OR2J3: variants seen among roughly 807,000 people sequenced by gnomAD.
The protein encoded by OR2J3 is olfactory receptor 2J3.
In OR2J3, 13 loss-of-function variants were observed where a neutral mutation model predicts 18.5. The observed-to-expected ratio is 0.70, with a 90% CI of 0.46 to 1.12. OR2J3 has a LOEUF of 1.12. Among genes scored for constraint, OR2J3 ranks in the 50% most tolerant of loss-of-function variants. OR2J3 has a pLI of 0.00. For missense variants in OR2J3, 321 were observed against 371.6 expected, an observed-to-expected ratio of 0.86 and a Z score of 1.12; for synonymous variants, 142 against 140.6, an observed-to-expected ratio of 1.01 and a Z score of -0.07.
In OR2J3 at chr6:29,112,202, T is replaced by C. The variant is rs763100537; in HGVS notation, c.312T>C (p.Leu104=). 1.2e-6 allele frequency: 2 copies of C among 1,614,126 alleles called. No homozygotes were observed. Among genetic ancestry groups the C allele is most frequent in the East Asian group, 4.5e-5 (2 of 44,872 alleles). ...TISYAGCMIQ[L]YFVLALGTTE... ...CTTATGCTGGTTGCATGATTCAACT[T>C]TACTTTGTTCTCGCACTGGGAACCA... The change falls in exon 4 of 4, where the codon CTT becomes CTC. Residue 104 remains leucine, a synonymous_variant. Transcript: ENST00000641151.
rs368089727 is a variant in OR2J3 at position 29,112,595 on chromosome 6, T to C, written c.705T>C (p.Thr235=). ...CTATACTGAGGATGCAGTCAACCACTGGGCTTCAGAAAGTGTTTGGAACAT... is the reference window on the plus strand; with the variant it reads ...CTATACTGAGGATGCAGTCAACCACCGGGCTTCAGAAAGTGTTTGGAACAT... ...VRAILRMQST[T]GLQKVFGTCG... is the part of the protein sequence containing the mutation. Residue 235 remains threonine, a synonymous_variant, in exon 4 of 4, where the codon ACT becomes ACC. Transcript: ENST00000641151. 1.1e-5 allele frequency: 18 copies of C among 1,613,998 alleles called. No homozygotes were observed. Among genetic ancestry groups the C allele is most frequent in the Non-Finnish European group, 1.5e-5 (18 of 1,179,992 alleles).
At position 29,108,155 on chromosome 6, in the gene OR2J3, A is replaced by G. The variant is rs1199357099; in HGVS notation, c.-321A>G. ...GGAAGTGTAGGCATTTATGTTGGTG[A>G]TTTCAAGGTGATCAAAATCAGAGAT... On this transcript the variant is annotated 5_prime_UTR_variant, in exon 1 of 4. Coordinates refer to ENST00000641151, the MANE Select transcript of OR2J3 (RefSeq NM_001005216.4). 1 of 152,138 alleles carries G rather than the reference A, an allele frequency of 6.6e-6. No homozygotes were observed. Among genetic ancestry groups the G allele is most frequent in the Non-Finnish European group, 1.5e-5 (1 of 68,026 alleles). 9.4% of individuals were successfully genotyped at this position (152,138 alleles called of 1,614,324 possible).
In OR2J3 at chr6:29,113,983, A is replaced by G. The variant is rs1398125653; in HGVS notation, c.*1157A>G. On this transcript the variant is annotated 3_prime_UTR_variant, in exon 4 of 4. Coordinates refer to ENST00000641151, the MANE Select transcript of OR2J3 (RefSeq NM_001005216.4). Reference sequence around the variant, plus strand: ...TTCAGTATAAAGTAACGTACTTGCAATGCCTGAGTTTTCTCTATAACTCAA... The same window carrying G: ...TTCAGTATAAAGTAACGTACTTGCAGTGCCTGAGTTTTCTCTATAACTCAA... The G allele has an allele frequency of 6.6e-6, 1 of 152,202 alleles. No individual in the cohort carries two copies. The highest frequency in any genetic ancestry group is 2.4e-5 in the African/African-American group (1 of 41,468). 9.4% of individuals were successfully genotyped at this position (152,202 alleles called of 1,614,324 possible). A position where few individuals can be genotyped will look rare whatever the true frequency, so the allele number is the denominator to read the frequency against.
rs576697828 is a variant in OR2J3, at chr6:29,111,969, G to A, written c.79G>A (p.Glu27Lys). 594 of 1,614,026 alleles carry A rather than the reference G, an allele frequency of 3.7e-4. 4 individuals are homozygous for A. In the South Asian group the frequency reaches 6.0e-3, roughly 16 times the overall value. Residue 27 changes from glutamate to lysine, a missense_variant, in exon 4 of 4, where the codon GAA becomes AAA. Physicochemically the swap from Glu to Lys is moderately conservative, Grantham distance 56. Coordinates refer to ENST00000641151, the MANE Select transcript of OR2J3 (RefSeq NM_001005216.4). ...LVGFSNWPHL[E>K]VVIFVVVLIF... ...TGGATTTTCTAATTGGCCTCATCTGGAAGTAGTTATCTTTGTGGTTGTCTT... is the reference window on the plus strand; with the variant it reads ...TGGATTTTCTAATTGGCCTCATCTGAAAGTAGTTATCTTTGTGGTTGTCTT...
chr6:29,109,012 G>A (rs1042896715), intron 3 of OR2J3, 137 bp downstream of exon 3: 3 of 152,072 alleles, frequency 2.0e-5, no homozygotes, highest in Admixed American at 1.3e-4. Context: ...ATAAATTATC[G>A]AGGCAACTGT....
At position 29,108,867 on chromosome 6, in the gene OR2J3, T is replaced by A. The variant is rs536445324; in HGVS notation, c.-19T>A. On this transcript the variant is annotated 5_prime_UTR_variant, in exon 3 of 4. It adds an upstream start codon to the 5' untranslated region. Coordinates refer to ENST00000641151, the MANE Select transcript of OR2J3 (RefSeq NM_001005216.4). ...AGAAAAATTCCTACCTTTTCCTTGC[T>A]TGCATCTGGTAAGTTTTTGTTTGTT... is the stretch of plus-strand genomic sequence containing the variant. The A allele has an allele frequency of 6.6e-6, 1 of 152,362 alleles. No individual in the cohort carries two copies. The highest frequency in any genetic ancestry group is 2.4e-5 in the African/African-American group (1 of 41,574). The allele number at this position is 152,362 out of a possible 1,614,324, so 9.4% of individuals were successfully genotyped here.
chr6:29,111,792 T>C (rs1398639790), intron 3 of OR2J3, 89 bp from the exon 4 acceptor site: 6 of 1,239,860 alleles, frequency 4.8e-6, no homozygotes, highest in Non-Finnish European at 6.7e-6. Flanking sequence ...CCCTTCAAAC[T>C]GGCTTTTATT....
At position 29,114,139 on chromosome 6, in the gene OR2J3, A is replaced by G. The variant is rs1433459579; in HGVS notation, c.*1313A>G. 1 of 152,188 alleles carries G rather than the reference A, an allele frequency of 6.6e-6. No homozygotes were observed. The highest frequency in any genetic ancestry group is 2.4e-5 in the African/African-American group (1 of 41,450). The allele number at this position is 152,188 out of a possible 1,614,324, so 9.4% of individuals were successfully genotyped here. ...AATTTCTAGTGTGACTTGCAATTGC[A>G]TTGATTCTGCTGACTTTATCTTCCT... On this transcript the variant is annotated 3_prime_UTR_variant, in exon 4 of 4. Transcript: ENST00000641151.
intron 3 of OR2J3, chr6:29,111,614 C>G: frequency 2.7e-6 from 1 of 373,564 alleles, no homozygotes. Context: ...AACACCGTCA[C>G]CCCTTCTATA....
intron 3 of OR2J3, chr6:29,109,405 A>G (rs778971174): frequency 2.0e-5 from 3 of 152,186 alleles, no homozygotes; most frequent in Admixed American, 6.5e-5. Context: ...GAATGTTCCA[A>G]ACTTTTCTGC....
Position 29,112,474 on chromosome 6 carries a change from C to G in OR2J3, c.584C>G (p.Thr195Ser). Residue 195 changes from threonine (T) to serine (S), a missense_variant, in exon 4 of 4, where the codon ACC (threonine) becomes AGC (serine). Physicochemically the swap from Thr to Ser is moderately conservative, Grantham distance 58 (BLOSUM62 1). Transcript: ENST00000641151. ...CTTCTGCGATTATCGTGTGTTGATA[C>G]CCATGTCAATGAGCTGACCCTCATG... ...PALLRLSCVD[T>S]HVNELTLMIT... is the part of the protein sequence containing the mutation. 6.2e-7 allele frequency: 1 copy of G among 1,614,076 alleles called. No homozygotes were observed. Among genetic ancestry groups the G allele is most frequent in the Non-Finnish European group, 8.5e-7 (1 of 1,180,016 alleles).
At chr6:29,111,252 C>G (rs946353236) in intron 3 of OR2J3, among the ~76,000 whole-genome samples, 1 of 152,106 alleles carries the variant, frequency 6.6e-6, no homozygotes, top group African/African-American at 2.4e-5. Flanking sequence ...TATAGGCAAG[C>G]TATTTCTCTC....
chr6:29,112,215 G>C lies in OR2J3; in HGVS notation c.325G>C (p.Ala109Pro). ...GCMIQLYFVLALGTTECVLLV... is the reference protein window; with the variant it reads ...GCMIQLYFVLPLGTTECVLLV... ...CATGATTCAACTTTACTTTGTTCTC[G>C]CACTGGGAACCACAGAGTGTGTCCT... is the stretch of plus-strand genomic sequence containing the variant. Residue 109 changes from alanine (A) to proline (P), a missense_variant, in exon 4 of 4, where the codon GCA becomes CCA. Physicochemically the swap from Ala to Pro is conservative, Grantham distance 27. Coordinates refer to ENST00000641151, the MANE Select transcript of OR2J3 (RefSeq NM_001005216.4). 6.3e-7 allele frequency: 1 copy of C among 1,585,864 alleles called. No individual in the cohort carries two copies.
At position 29,112,146 on chromosome 6, in the gene OR2J3, G is replaced by A; in HGVS notation, c.256G>A (p.Val86Ile). Residue 86 changes from valine (V) to isoleucine (I), a missense_variant, in exon 4 of 4, where the codon GTC becomes ATC. Coordinates refer to ENST00000641151, the MANE Select transcript of OR2J3 (RefSeq NM_001005216.4). ...YTTSSIPQLL[V>I]NLWGPEKTIS... ...CACCAGCTCTATCCCTCAGTTGCTG[G>A]TCAATCTCTGGGGCCCGGAAAAGAC... 1 of 1,614,006 alleles carries A rather than the reference G, an allele frequency of 6.2e-7. No homozygotes were observed. The highest frequency in any genetic ancestry group is 1.3e-5 in the African/African-American group (1 of 74,972).
At chr6:29,110,886 TCTATCTATCTAC>T (rs1412857204) in intron 3 of OR2J3, among the ~76,000 whole-genome samples, 1 of 149,610 alleles carries the variant, frequency 6.7e-6, no homozygotes. Flanking sequence ...TATCTATCTA[TCTATCTATCTAC>T]CTATCTATCT....
rs189615508 is a variant in OR2J3 at position 29,113,062 on chromosome 6, G to T, written c.*236G>T. On this transcript the variant is annotated 3_prime_UTR_variant, in exon 4 of 4. Coordinates refer to ENST00000641151, the MANE Select transcript of OR2J3 (RefSeq NM_001005216.4). ...AAAATCAAGATAAAACATCTATAGT[G>T]ATGTTTTTCCATGGTACAAACCTAA... The T allele has an allele frequency of 4.1e-3, 2,117 of 513,414 alleles. 10 individuals carry two copies. Among genetic ancestry groups the T allele is most frequent in the Non-Finnish European group, 4.7e-3 (1,371 of 294,706 alleles). The allele number at this position is 513,414 out of a possible 1,614,324, so 31.8% of individuals were successfully genotyped here.
intron 3 of OR2J3, 177 bp from the exon 4 acceptor site, chr6:29,111,704 T>A: frequency 1.7e-6 from 1 of 587,082 alleles, no homozygotes; most frequent in East Asian, 2.8e-5. Context: ...TTTATATCAG[T>A]ATGAGCTTTA....
rs1581913815 is a variant in OR2J3, at chr6:29,111,908, A to C, written c.18A>C (p.Lys6Asn). MNDDG[K>N]VNASSEGYFI... ...AATAGGAAATGAATGATGATGGAAA[A>C]GTCAATGCTAGCTCTGAGGGGTACT... Residue 6 changes from lysine (K) to asparagine (N), a missense_variant, in exon 4 of 4, where the codon AAA (lysine) becomes AAC (asparagine). Lys to Asn is a moderately conservative substitution (Grantham distance 94). Coordinates refer to ENST00000641151, the MANE Select transcript of OR2J3 (RefSeq NM_001005216.4). 1 of 1,610,342 alleles carries C rather than the reference A, an allele frequency of 6.2e-7. No homozygotes were observed. The highest frequency in any genetic ancestry group is 2.2e-5 in the East Asian group (1 of 44,854).
In OR2J3 at chr6:29,114,002, A is replaced by G. The variant is rs1762244143; in HGVS notation, c.*1176A>G. On this transcript the variant is annotated 3_prime_UTR_variant, in exon 4 of 4. Transcript: ENST00000641151. ...CTTGCAATGCCTGAGTTTTCTCTAT[A>G]ACTCAAATGTCAGCTGTAGCTTTTG... is the stretch of plus-strand genomic sequence containing the variant. 2.0e-5 allele frequency: 3 copies of G among 152,206 alleles called. No individual in the cohort carries two copies. The highest frequency in any genetic ancestry group is 7.2e-5 in the African/African-American group (3 of 41,460). 9.4% of individuals were successfully genotyped at this position (152,206 alleles called of 1,614,324 possible).
Sources: allele counts gnomAD v4.1 joint callset (sites outside exome capture counted in the v4.1 genomes callset), GRCh38; gene constraint gnomAD v4.1.1; transcripts MANE v1.5; gene names NCBI Gene and HGNC (gene_info 2026-07-23, HGNC 2026-07-21).